Variants in ERG observed in about 807,000 individuals in gnomAD.
ERG encodes transcriptional regulator ERG.
ERG carries 9 observed loss-of-function variants against 55.3 expected under a neutral mutation model. The observed-to-expected ratio is 0.16, with a 90% CI of 0.10 to 0.28. ERG has a LOEUF of 0.28. Among genes scored for constraint, ERG ranks in the 10% least tolerant of loss-of-function variants. ERG has a pLI of 1.00. For synonymous variants in ERG, 223 were observed against 237.3 expected, an observed-to-expected ratio of 0.94 and a Z score of 0.55; for missense variants, 434 against 631.6, an observed-to-expected ratio of 0.69 and a Z score of 3.35.
chr21:38,519,989 C>CCA (rs149078434), intron 2 of ERG, among the ~76,000 whole-genome samples: 16 of 151,334 alleles, frequency 1.1e-4, no homozygotes, highest in Admixed American at 8.6e-4. Context: ...CCCCATGTCA[C>CCA]CACACACACA....
At chr21:38,656,013 CT>C (rs1209746061) in intron 1 of ERG, among the ~76,000 whole-genome samples, 2 of 152,100 alleles carry the variant, frequency 1.3e-5, no homozygotes, top group African/African-American at 4.8e-5. Context: ...CTCCCCTACT[CT>C]TCACCGCGCC....
chr21:38,486,505 G>C (rs1327507357), intron 1 of ERG, among the ~76,000 whole-genome samples: 3 of 152,088 alleles, frequency 2.0e-5, no homozygotes, highest in Non-Finnish European at 4.4e-5. Context: ...GACTGTGTAG[G>C]GAAATACTTT....
intron 1 of ERG, among the ~76,000 whole-genome samples, chr21:38,653,413 GC>G (rs2060499925): frequency 6.6e-6 from 1 of 152,146 alleles, no homozygotes; most frequent in Non-Finnish European, 1.5e-5. Context: ...AAATCTGACT[GC>G]CCGCTGATCT....
chr21:38,651,107 C>G (rs747731026), intron 1 of ERG, among the ~76,000 whole-genome samples: 1 of 152,216 alleles, frequency 6.6e-6, no homozygotes, highest in Non-Finnish European at 1.5e-5. Flanking sequence ...AGCTGGCACA[C>G]AGAGTTTTGG....
intron 2 of ERG, among the ~76,000 whole-genome samples, chr21:38,531,452 T>C (rs2059671754): frequency 6.6e-6 from 1 of 152,056 alleles, no homozygotes; most frequent in Admixed American, 6.5e-5. Flanking sequence ...TGAAGAAGGG[T>C]CTGTGTAAAT....
intron 1 of ERG, among the ~76,000 whole-genome samples, chr21:38,638,387 T>C (rs1216998792): frequency 1.3e-5 from 2 of 152,236 alleles, no homozygotes; most frequent in Non-Finnish European, 2.9e-5. Context: ...TTACAACTAC[T>C]GCACCCCGTG....
chr21:38,597,472 TACACACAC>T (rs3065420), intron 1 of ERG, among the ~76,000 whole-genome samples: 1 of 148,154 alleles, frequency 6.7e-6, no homozygotes, highest in Non-Finnish European at 1.5e-5. Context: ...TATATATATC[TACACACAC>T]ACACACACAC....
chr21:38,383,872 C>T lies in ERG; in HGVS notation c.971G>A (p.Ser324Asn), dbSNP rs2146412935. 6.2e-7 allele frequency: 1 copy of T among 1,614,042 alleles called. No individual in the cohort carries two copies. Among genetic ancestry groups the T allele is most frequent in the Admixed American group, 1.7e-5 (1 of 60,026 alleles). Reference sequence around the variant, plus strand: ...CCAGGTGATGCAGCTGGAGTTGGAGCTGTCCGACAGGAGCTCCAGGAGGAA... The same window carrying T: ...CCAGGTGATGCAGCTGGAGTTGGAGTTGTCCGACAGGAGCTCCAGGAGGAA... ...WQFLLELLSD[S>N]SNSSCITWEG... The change falls in exon 10 of 10, where the codon AGC becomes AAC. Residue 324 changes from serine (S) to asparagine (N), a missense_variant. This residue lies in a region of ERG where 99 missense variants were observed against 145.6 expected (regional missense o/e 0.68). Transcript: ENST00000288319. This position sits in a 1 kb window ranked among gnomAD's most constrained non-coding sequence, Gnocchi z 5.7.
chr21:38,490,593 C>T lies in ERG; in HGVS notation c.18+7770G>A, dbSNP rs548219954. The stretch of plus-strand genomic sequence containing the variant: ...CTGCCCACTGCACGAGACCCCTCCC[C>T]GGTTTGAAGATCCGATAGGGGCACT... On this transcript the variant is annotated intron_variant, in intron 1 of 9. Coordinates refer to ENST00000288319, the MANE Select transcript of ERG (RefSeq NM_182918.4). Among the ~76,000 whole-genome samples the T allele has an allele frequency of 3.5e-4, 54 of 152,340 alleles. No individual in the cohort carries two copies. The South Asian group carries it at 0.011, about 30-fold the overall frequency.
At chr21:38,626,223 C>T (rs1318007046) in intron 1 of ERG, among the ~76,000 whole-genome samples, 3 of 152,136 alleles carry the variant, frequency 2.0e-5, no homozygotes, top group Non-Finnish European at 4.4e-5. Context: ...TTGGCCAACA[C>T]TCACTTTTCC....
chr21:38,587,433 A>G (rs1432448179), upstream of ERG, among the ~76,000 whole-genome samples: 2 of 149,960 alleles, frequency 1.3e-5, no homozygotes, highest in Non-Finnish European at 3.0e-5. Context: ...ATCTTGGCTC[A>G]CTGCAACCTC....
chr21:38,453,789 C>T (rs1252078197), intron 1 of ERG, among the ~76,000 whole-genome samples: 1 of 148,584 alleles, frequency 6.7e-6, no homozygotes, highest in Admixed American at 6.9e-5. Context: ...GAGGCTGAGA[C>T]AAGAGAATCG....
chr21:38,481,831 G>T (rs2059241093), intron 1 of ERG, among the ~76,000 whole-genome samples: 1 of 152,098 alleles, frequency 6.6e-6, no homozygotes, highest in South Asian at 2.1e-4. Context: ...GGTGACTGTA[G>T]TAACAAAAGA....
At chr21:38,444,705 T>C (rs1385258644) in intron 2 of ERG, among the ~76,000 whole-genome samples, 2 of 147,052 alleles carry the variant, frequency 1.4e-5, no homozygotes, top group African/African-American at 2.5e-5. Flanking sequence ...GGAGAGGGCT[T>C]TATGTGTAAG....
At chr21:38,559,460 A>T (rs2059879273) in intron 2 of ERG, among the ~76,000 whole-genome samples, 1 of 130,544 alleles carries the variant, frequency 7.7e-6, no homozygotes, top group African/African-American at 3.0e-5. Context: ...AAATTTTTAG[A>T]GGACAAAGGT....
At chr21:38,620,046 G>T (rs1286873391) in intron 1 of ERG, among the ~76,000 whole-genome samples, 1 of 152,190 alleles carries the variant, frequency 6.6e-6, no homozygotes, top group Admixed American at 6.5e-5. Flanking sequence ...GCCACAGAAC[G>T]CCAGCCAAGC....
At chr21:38,522,232 T>A (rs965196705) in intron 2 of ERG, among the ~76,000 whole-genome samples, 5 of 152,166 alleles carry the variant, frequency 3.3e-5, no homozygotes, top group Non-Finnish European at 1.5e-5. Flanking sequence ...ATCTGGCTAC[T>A]TAAATTACAA....
intron 2 of ERG, among the ~76,000 whole-genome samples, chr21:38,555,605 T>C (rs1180253130): frequency 3.9e-5 from 6 of 152,120 alleles, no homozygotes; most frequent in Non-Finnish European, 8.8e-5. Flanking sequence ...TATTGAAATA[T>C]GCACTATGTC....
intron 1 of ERG, among the ~76,000 whole-genome samples, chr21:38,481,476 T>C (rs2059238144): frequency 1.3e-5 from 2 of 152,204 alleles, no homozygotes; most frequent in African/African-American, 2.4e-5. Context: ...ATATATAATG[T>C]TTTAACCAGT....
Sources: gnomAD v4.1 joint callset for allele counts (sites outside exome capture counted in the v4.1 genomes callset) on GRCh38, gnomAD v4.1.1 for gene constraint, gnomAD v4.1.1 regional missense constraint, Gnocchi (gnomAD v3.1) non-coding constraint, MANE v1.5 for transcripts, NCBI Gene and HGNC (gene_info 2026-07-23, HGNC 2026-07-21) for gene names.